The following PIR variants were observed in gnomAD, a reference collection of about 807,000 sequenced individuals.
PIR encodes the protein pirin.
A neutral mutation model predicts 24.2 loss-of-function variants in PIR; 22 were observed. The observed-to-expected ratio is 0.91, with a 90% CI of 0.65 to 1.30. PIR has a LOEUF of 1.30. PIR is among the 50% of genes most tolerant of loss of function. The probability of loss-of-function intolerance (pLI) is 0.00; values close to 1 mark genes in which losing one functional copy is unlikely to be tolerated. For synonymous variants in PIR, 80 were observed against 79.6 expected (o/e 1.00, Z -0.03); for missense variants, 220 against 220.3 (o/e 1.00, Z 0.01).
Position 15,480,042 on chromosome X carries a change from G to A in PIR, c.97-221C>T, listed in dbSNP as rs913042610. Among the ~76,000 whole-genome samples the A allele has an allele frequency of 1.6e-4, 18 of 111,720 alleles. 1 individual carries two copies. Among genetic ancestry groups the A allele is most frequent in the Admixed American group, 1.1e-3 (12 of 10,486 alleles). Reference sequence around the variant, plus strand: ...TCATCTTGTAGCTCCCATAATTCCCGTGTGTTGTGGGAGCAACTCAGTGGG... The same window carrying A: ...TCATCTTGTAGCTCCCATAATTCCCATGTGTTGTGGGAGCAACTCAGTGGG... On this transcript the variant is annotated intron_variant, in intron 2 of 9. Transcript: ENST00000380420.
rs780187498 is a variant in PIR, at chrX:15,390,175, T to G, written c.760+10A>C. ...ATCAACCAAGAAAATCATTGTCATT[T>G]TGGTCTTACCATGTTGGATAACTGG... On this transcript the variant is annotated intron_variant, in intron 9 of 9. Transcript: ENST00000380420. The G allele has an allele frequency of 4.8e-6, 5 of 1,039,944 alleles. No homozygotes were observed. In the South Asian group the frequency reaches 6.9e-5, roughly 14 times the overall value. 85.7% of individuals were successfully genotyped at this position (1,039,944 alleles called of 1,213,427 possible).
At chrX:15,448,866 C>T (rs1332181635) in intron 5 of PIR, among the ~76,000 whole-genome samples, 3 of 112,077 alleles carry the variant, frequency 2.7e-5, no homozygotes, top group Admixed American at 9.5e-5. Context: ...CTGCTGTTTT[C>T]GTATTTCCTG....
intron 3 of PIR, among the ~76,000 whole-genome samples, chrX:15,465,094 TC>T (rs997181320): frequency 3.6e-5 from 4 of 111,683 alleles, no homozygotes; most frequent in African/African-American, 1.3e-4. Flanking sequence ...GAAACAGTTA[TC>T]CCCCCTTTCC....
intron 3 of PIR, among the ~76,000 whole-genome samples, chrX:15,461,904 T>C (rs1443192148): frequency 8.9e-6 from 1 of 112,794 alleles, no homozygotes; most frequent in South Asian, 3.6e-4. Flanking sequence ...CTAATGGCTA[T>C]CATATTGGGT....
intron 3 of PIR, among the ~76,000 whole-genome samples, chrX:15,465,752 A>G (rs936371593): frequency 8.9e-6 from 1 of 112,034 alleles, no homozygotes; most frequent in Non-Finnish European, 1.9e-5. Flanking sequence ...TAGTGATGAA[A>G]GAAAAGTGTC....
intron 2 of PIR, among the ~76,000 whole-genome samples, chrX:15,480,384 TAG>T (rs888434636): frequency 8.9e-6 from 1 of 111,771 alleles, no homozygotes; most frequent in Admixed American, 9.6e-5. Flanking sequence ...CGGATTGTGT[TAG>T]AGAGTTGTCA....
chrX:15,448,014 C>T (rs1283641741), intron 5 of PIR, among the ~76,000 whole-genome samples: 2 of 112,074 alleles, frequency 1.8e-5, no homozygotes, highest in East Asian at 5.6e-4. Flanking sequence ...TCTTCATTCA[C>T]TGGAAGGAGA....
At chrX:15,470,588 CTTTCTTTCTTTCT>C (rs1223599860) in intron 3 of PIR, among the ~76,000 whole-genome samples, 181 of 73,571 alleles carry the variant, frequency 2.5e-3, no homozygotes, top group Middle Eastern at 6.5e-3. Context: ...TTCTTTCTTT[CTTTCTTTCTTTCT>C]TTTTTTTTTT....
At position 15,425,875 on chromosome X, in the gene PIR, C is replaced by T. The variant is rs368608154; in HGVS notation, c.565+31G>A. On this transcript the variant is annotated intron_variant, in intron 6 of 9. Coordinates refer to ENST00000380420, the MANE Select transcript of PIR (RefSeq NM_001018109.3). The stretch of plus-strand genomic sequence containing the variant: ...TTTTCTTTTCTTTTTTTTTTCCTGA[C>T]GTGACTACTAAACCCCAGAACCCAT... The T allele has an allele frequency of 8.1e-4, 668 of 822,807 alleles. 2 individuals are homozygous for T. In the South Asian group the frequency reaches 0.014, roughly 17 times the overall value. 67.8% of individuals were successfully genotyped at this position (822,807 alleles called of 1,213,427 possible). A position where few individuals can be genotyped will look rare whatever the true frequency, so the allele number is the denominator to read the frequency against.
chrX:15,426,351 T>C (rs1925318722), intron 5 of PIR, among the ~76,000 whole-genome samples: 2 of 112,113 alleles, frequency 1.8e-5, no homozygotes, highest in Admixed American at 1.9e-4. Flanking sequence ...CAAATGTATG[T>C]TTCTTCCCCA....
intron 5 of PIR, among the ~76,000 whole-genome samples, chrX:15,443,711 A>C (rs1045922041): frequency 3.6e-5 from 4 of 111,622 alleles, no homozygotes; most frequent in Non-Finnish European, 3.8e-5. Context: ...GATTCCTGGG[A>C]GGGGATCAAA....
At chrX:15,479,899 T>G in intron 2 of PIR, 78 bp from the exon 3 acceptor site, 1 of 480,885 alleles carries the variant, frequency 2.1e-6, no homozygotes, top group Non-Finnish European at 3.4e-6. Context: ...TGAACAGATC[T>G]AGCAAGCCTC....
chrX:15,440,619 C>A lies in PIR; in HGVS notation c.481-14629G>T, dbSNP rs766861496. On this transcript the variant is annotated intron_variant, in intron 5 of 9. Transcript: ENST00000380420. ...AAGTTTCCATTTCTTCCCATCCTTG[C>A]CAGCACTTCACAGTACCCAACTTTG... Among the ~76,000 whole-genome samples the A allele has an allele frequency of 3.0e-4, 34 of 111,657 alleles. No individual in the cohort carries two copies. In the East Asian group the frequency reaches 9.3e-3, roughly 31 times the overall value.
intron 9 of PIR, among the ~76,000 whole-genome samples, chrX:15,388,131 T>C (rs1380027911): frequency 8.9e-6 from 1 of 112,368 alleles, no homozygotes; most frequent in Non-Finnish European, 1.9e-5. Context: ...AATTATTTGA[T>C]AGTTACCTAT....
chrX:15,392,175 C>A (rs1167484114), intron 8 of PIR, among the ~76,000 whole-genome samples: 1 of 111,426 alleles, frequency 9.0e-6, no homozygotes, highest in African/African-American at 3.3e-5. Context: ...CATTAGAACT[C>A]CCCACCACAT....
rs775736360 is a variant in PIR, at chrX:15,492,848, A to T, written c.-53+342T>A. Among the ~76,000 whole-genome samples the T allele has an allele frequency of 4.5e-5, 5 of 111,913 alleles. No individual in the cohort carries two copies. The South Asian group carries it at 1.9e-3, about 42-fold the overall frequency. Reference sequence around the variant, plus strand: ...AATATTTATTGGGTGATAGGTTGCAAGGCGCAGAAACGAGCTTAATACTCA... The same window carrying T: ...AATATTTATTGGGTGATAGGTTGCATGGCGCAGAAACGAGCTTAATACTCA... On this transcript the variant is annotated intron_variant, in intron 1 of 9. Transcript: ENST00000380420.
chrX:15,470,600 C>CTTTCTT (rs1464069729), intron 3 of PIR, among the ~76,000 whole-genome samples: 10 of 45,104 alleles, frequency 2.2e-4, no homozygotes, highest in African/African-American at 5.6e-4. Context: ...TTCTTTCTTT[C>CTTTCTT]TTTTTTTTTT....
At chrX:15,488,909 G>GT (rs1164420331) in intron 2 of PIR, among the ~76,000 whole-genome samples, 2,476 of 104,960 alleles carry the variant, frequency 0.024, 69 homozygotes, top group African/African-American at 0.079. Flanking sequence ...TAATTTTTTT[G>GT]TTTTTTTTTT....
At chrX:15,392,117 G>A (rs1029391047) in intron 8 of PIR, among the ~76,000 whole-genome samples, 21 of 111,200 alleles carry the variant, frequency 1.9e-4, no homozygotes, top group Admixed American at 9.6e-5. Context: ...CCCCAGCAGA[G>A]CCCAGCTCCC....
Sources: allele counts gnomAD v4.1 joint callset (sites outside exome capture counted in the v4.1 genomes callset), GRCh38; gene constraint gnomAD v4.1.1; transcripts MANE v1.5; gene names NCBI Gene and HGNC (gene_info 2026-07-23, HGNC 2026-07-21).